The following CLPB variants were observed in gnomAD, a reference collection of about 807,000 sequenced individuals.
CLPB encodes mitochondrial disaggregase.
In CLPB, 40 loss-of-function variants were observed where a neutral mutation model predicts 78.4. That is an observed-to-expected ratio of 0.51 (90% CI 0.40 to 0.66). The LOEUF is 0.66. CLPB is among the 30% of genes least tolerant of loss of function. The pLI is 0.00. For synonymous variants in CLPB, 333 were observed against 348.0 expected (o/e 0.96, Z 0.48); for missense variants, 780 against 886.9 (o/e 0.88, Z 1.53).
At chr11:72,349,898 C>A (rs989668553) in intron 5 of CLPB, among the ~76,000 whole-genome samples, 1 of 152,242 alleles carries the variant, frequency 6.6e-6, no homozygotes, top group Non-Finnish European at 1.5e-5. Context: ...CCCAAGGGAG[C>A]CTTGGCCTCC....
At position 72,307,218 on chromosome 11, in the gene CLPB, A is replaced by G. The variant is rs1005193912; in HGVS notation, c.1103T>C (p.Met368Thr). ...TCTTACCTTTTTAGCATCTTTGTGC[A>G]TATATTTGGCTGTCTGCTTGGCCAG... ...TELAKQTAKY[M>T]HKDAKKGFIR... Residue 368 changes from methionine (M) to threonine (T), a missense_variant, in exon 9 of 16, where the codon ATG (methionine) becomes ACG (threonine). By Grantham distance (81) the Met-to-Thr change is moderately conservative. Transcript: ENST00000538039. 20 of 1,613,988 alleles carry G rather than the reference A, an allele frequency of 1.2e-5. No individual in the cohort carries two copies. Among genetic ancestry groups the G allele is most frequent in the Middle Eastern group, 1.7e-4 (1 of 6,060 alleles).
intron 5 of CLPB, chr11:72,352,522 C>T (rs959459314): frequency 6.6e-6 from 1 of 152,284 alleles, no homozygotes; most frequent in South Asian, 2.1e-4. Flanking sequence ...GCCTTCCTAC[C>T]TCATCTACCT....
At chr11:72,371,599 T>C (rs1482749045) in intron 4 of CLPB, among the ~76,000 whole-genome samples, 2 of 149,398 alleles carry the variant, frequency 1.3e-5, no homozygotes, top group East Asian at 3.9e-4. Flanking sequence ...AAAAGTTGTG[T>C]AGAGATGGGG....
rs2135527982 is a variant in CLPB at position 72,317,237 on chromosome 11, C to A, written c.874-17G>T. The A allele has an allele frequency of 1.3e-6, 2 of 1,587,804 alleles. No homozygotes were observed. Among genetic ancestry groups the A allele is most frequent in the Non-Finnish European group, 1.7e-6 (2 of 1,163,872 alleles). On this transcript the variant is annotated splice_polypyrimidine_tract_variant and intron_variant, in intron 6 of 15. Transcript: ENST00000538039. ...CTCTTGGTACTGTGGGGAGAGAGGG[C>A]AAATGGTTGAGGGCTGCCGGGCCCA...
intron 2 of CLPB, among the ~76,000 whole-genome samples, chr11:72,424,495 C>T (rs1418701821): frequency 6.6e-6 from 1 of 152,144 alleles, no homozygotes; most frequent in Non-Finnish European, 1.5e-5. Context: ...TGGCTCAGGC[C>T]TGTAATCCCA....
At chr11:72,409,458 C>T (rs1855810044) in intron 2 of CLPB, among the ~76,000 whole-genome samples, 1 of 152,148 alleles carries the variant, frequency 6.6e-6, no homozygotes, top group African/African-American at 2.4e-5. Context: ...GTGTCGGGCA[C>T]CTGTAATCCC....
At chr11:72,374,560 C>T (rs1007528384) in intron 4 of CLPB, among the ~76,000 whole-genome samples, 3 of 152,172 alleles carry the variant, frequency 2.0e-5, no homozygotes, top group African/African-American at 7.2e-5. Context: ...CCAGAAACAC[C>T]AACTTTGACA....
chr11:72,295,310 C>CT (rs1228744246), intron 12 of CLPB, among the ~76,000 whole-genome samples, 182 bp downstream of exon 12: 14 of 152,304 alleles, frequency 9.2e-5, no homozygotes, highest in Non-Finnish European at 1.9e-4. Context: ...AGTGGGGTCT[C>CT]TGTCTCTTTT....
At chr11:72,302,454 C>A in intron 9 of CLPB, 106 bp from the exon 10 acceptor site, 1 of 922,672 alleles carries the variant, frequency 1.1e-6, no homozygotes. Flanking sequence ...CACACCACAC[C>A]AACATAAGAT....
At chr11:72,358,810 T>G in intron 5 of CLPB, 70 bp downstream of exon 5, 2 of 18,978 alleles carry the variant, frequency 1.1e-4, no homozygotes, top group Non-Finnish European at 1.1e-4. Context: ...ATCCCACCCC[T>G]CCTCCACCCC....
At chr11:72,370,639 G>A (rs1951025013) in intron 4 of CLPB, among the ~76,000 whole-genome samples, 1 of 152,326 alleles carries the variant, frequency 6.6e-6, no homozygotes, top group Admixed American at 6.5e-5. Flanking sequence ...GCACATGCAG[G>A]CTGATATGGT....
At chr11:72,316,973 T>A in intron 7 of CLPB, 133 bp downstream of exon 7, 1 of 553,376 alleles carries the variant, frequency 1.8e-6, no homozygotes, top group Non-Finnish European at 3.1e-6. Flanking sequence ...CTTATAACAA[T>A]GTCTGGCATG....
At chr11:72,300,351 C>T (rs545512686) in intron 11 of CLPB, among the ~76,000 whole-genome samples, 107 of 152,300 alleles carry the variant, frequency 7.0e-4, no homozygotes, top group African/African-American at 2.5e-3. Context: ...TGTCTCCTTT[C>T]CACCTGTCTA....
At chr11:72,302,936 C>T (rs1459500305) in intron 9 of CLPB, 1 of 153,560 alleles carries the variant, frequency 6.5e-6, no homozygotes, top group Admixed American at 6.4e-5. Flanking sequence ...TACATTTCTT[C>T]ATTTCATTAA....
chr11:72,368,742 T>C (rs571843514), intron 4 of CLPB, among the ~76,000 whole-genome samples: 8 of 152,352 alleles, frequency 5.3e-5, no homozygotes, highest in African/African-American at 1.9e-4. Flanking sequence ...ACATTCTTGA[T>C]GGACAGACAC....
At chr11:72,372,309 T>C (rs2135655377) in intron 4 of CLPB, among the ~76,000 whole-genome samples, 1 of 152,334 alleles carries the variant, frequency 6.6e-6, no homozygotes, top group South Asian at 2.1e-4. Flanking sequence ...ATTTCTTCTA[T>C]GTTCTGGGGT....
intron 7 of CLPB, among the ~76,000 whole-genome samples, chr11:72,311,400 T>G (rs1949844323): frequency 6.6e-6 from 1 of 152,202 alleles, no homozygotes; most frequent in African/African-American, 2.4e-5. Context: ...AGAACTTCTG[T>G]AGACATAATT....
chr11:72,347,472 T>C (rs1324553674), intron 5 of CLPB, among the ~76,000 whole-genome samples: 6 of 152,062 alleles, frequency 3.9e-5, no homozygotes. Context: ...CCAAAAGCTA[T>C]CTCTTCATAG....
intron 9 of CLPB, chr11:72,304,252 T>C (rs1197958235): frequency 2.0e-5 from 3 of 152,234 alleles, no homozygotes; most frequent in African/African-American, 7.2e-5. Context: ...GCTTACCACA[T>C]GCCAAGAACG....
Sources: gnomAD v4.1 joint callset for allele counts (sites outside exome capture counted in the v4.1 genomes callset) on GRCh38, gnomAD v4.1.1 for gene constraint, MANE v1.5 for transcripts, NCBI Gene and HGNC (gene_info 2026-07-23, HGNC 2026-07-21) for gene names.